Variants in SLC25A20 observed in about 807,000 individuals in gnomAD.
SLC25A20 encodes the protein mitochondrial carnitine/acylcarnitine carrier protein.
Under a neutral mutation model 39.7 loss-of-function variants are expected in SLC25A20, and 29 were observed. The observed-to-expected ratio is 0.73, with a 90% CI of 0.54 to 1.00. SLC25A20 has a LOEUF of 1.00. SLC25A20 is among the 50% of genes least tolerant of loss of function. The pLI is 0.00. For synonymous variants in SLC25A20, 103 were observed against 142.2 expected, an observed-to-expected ratio of 0.72 and a Z score of 1.96; for missense variants, 333 against 379.9, an observed-to-expected ratio of 0.88 and a Z score of 1.03.
chr3:48,884,004 C>T lies in SLC25A20; in HGVS notation c.319G>A (p.Val107Met). The T allele has an allele frequency of 6.2e-7, 1 of 1,613,610 alleles. No homozygotes were observed. Among genetic ancestry groups the T allele is most frequent in the Non-Finnish European group, 8.5e-7 (1 of 1,179,668 alleles). The change falls in exon 3 of 9, where the codon GTG becomes ATG. Residue 107 changes from valine (V) to methionine (M), a missense_variant. Val to Met is a conservative substitution (Grantham distance 21). Coordinates refer to ENST00000319017, the MANE Select transcript of SLC25A20 (RefSeq NM_000387.6). ...KKLQQKHPED[V>M]LSYPQLFAAG... is the part of the protein sequence containing the mutation. ...TGACCTGTAAGTACTCACCTGAGCA[C>T]ATCTTCTGGGTGTTTCTGTTGTAGT...
intron 1 of SLC25A20, 79 bp from the exon 2 acceptor site, chr3:48,892,151 A>T: frequency 9.5e-7 from 1 of 1,057,126 alleles, no homozygotes; most frequent in Admixed American, 1.7e-5. Context: ...CTGTCTGCCA[A>T]ACTGAACAGG....
chr3:48,892,987 CA>C (rs1271366211), intron 1 of SLC25A20, among the ~76,000 whole-genome samples: 1 of 151,944 alleles, frequency 6.6e-6, no homozygotes, highest in Non-Finnish European at 1.5e-5. Flanking sequence ...AGGAGGGTCC[CA>C]ATTTCTCCAT....
At position 48,879,523 on chromosome 3, in the gene SLC25A20, G is replaced by C. The variant is rs141458101; in HGVS notation, c.327-75C>G. The C allele has an allele frequency of 5.8e-3, 5,617 of 966,342 alleles. 25 individuals carry two copies. The highest frequency in any genetic ancestry group is 7.1e-3 in the Non-Finnish European group (4,174 of 589,766). 59.9% of individuals were successfully genotyped at this position (966,342 alleles called of 1,614,324 possible). ...GGACAGAGGCCAATCCCAGCAAAGA[G>C]GACAGTTTTGTAAGAAAAAAAATAA... On this transcript the variant is annotated intron_variant, in intron 3 of 8. Coordinates refer to ENST00000319017, the MANE Select transcript of SLC25A20 (RefSeq NM_000387.6).
intron 4 of SLC25A20, among the ~76,000 whole-genome samples, chr3:48,872,066 C>T (rs1392048157): frequency 7.1e-6 from 1 of 140,862 alleles, no homozygotes; most frequent in African/African-American, 2.6e-5. Context: ...TGGGCTCAAG[C>T]AATCCACCAC....
At chr3:48,859,480 T>C in intron 6 of SLC25A20, 75 bp downstream of exon 6, 1 of 1,243,362 alleles carries the variant, frequency 8.0e-7, no homozygotes, top group South Asian at 1.2e-5. Flanking sequence ...CTACTTCTGC[T>C]TTCAGATTCA....
chr3:48,861,228 G>A (rs1051579994), intron 5 of SLC25A20, among the ~76,000 whole-genome samples: 11 of 152,070 alleles, frequency 7.2e-5, no homozygotes, highest in African/African-American at 2.7e-4. Context: ...AAAGTGCTGA[G>A]ATTACAAGTG....
intron 1 of SLC25A20, among the ~76,000 whole-genome samples, chr3:48,893,085 G>A (rs897841516): frequency 5.3e-5 from 8 of 151,260 alleles, no homozygotes; most frequent in Non-Finnish European, 5.9e-5. Context: ...GGAGTGCGGC[G>A]GTGTGGTCAA....
At chr3:48,895,824 T>TAG in intron 1 of SLC25A20, 4 of 456,144 alleles carry the variant, frequency 8.8e-6, no homozygotes, top group South Asian at 6.2e-5. Context: ...CCCTAGTTAG[T>TAG]AGAGAGAGAG....
chr3:48,864,558 G>C (rs535333553), intron 4 of SLC25A20, among the ~76,000 whole-genome samples: 1 of 150,692 alleles, frequency 6.6e-6, no homozygotes, highest in Non-Finnish European at 1.5e-5. Flanking sequence ...GAGTATCAAT[G>C]GTTTTTTTTT....
In SLC25A20 at chr3:48,896,401, T is replaced by C. The variant is rs535310479; in HGVS notation, c.105+2289A>G. ...CCAAGGCTGCCTTTTTGTGATTTTA[T>C]ATACACTTCATACCTCATACCTGTC... On this transcript the variant is annotated intron_variant, in intron 1 of 8. Coordinates refer to ENST00000319017, the MANE Select transcript of SLC25A20 (RefSeq NM_000387.6). 3.3e-5 allele frequency among the ~76,000 whole-genome samples: 5 copies of C among 152,196 alleles called. No homozygotes were observed. The South Asian group carries it at 6.2e-4, about 19-fold the overall frequency.
At chr3:48,887,991 C>T (rs1175243924) in intron 2 of SLC25A20, among the ~76,000 whole-genome samples, 1 of 149,096 alleles carries the variant, frequency 6.7e-6, no homozygotes, top group Non-Finnish European at 1.5e-5. Context: ...GGCAGATCAC[C>T]TGAGCTCAGG....
chr3:48,868,436 G>A (rs947232402), intron 4 of SLC25A20, among the ~76,000 whole-genome samples: 4 of 152,098 alleles, frequency 2.6e-5, no homozygotes, highest in African/African-American at 9.7e-5. Context: ...TGGAGTAGAT[G>A]TACTTTTCCC....
intron 1 of SLC25A20, among the ~76,000 whole-genome samples, chr3:48,894,158 CAAA>C (rs1264070423): frequency 1.5e-5 from 1 of 65,154 alleles, no homozygotes; most frequent in Non-Finnish European, 2.9e-5. Context: ...GACTCCTTCT[CAAA>C]AAAAAAAAAA....
At chr3:48,885,281 AAAAG>A (rs1460163040) in intron 2 of SLC25A20, among the ~76,000 whole-genome samples, 2 of 152,082 alleles carry the variant, frequency 1.3e-5, no homozygotes, top group African/African-American at 4.8e-5. Flanking sequence ...TAGAAAAAAA[AAAAG>A]AAAGTGAATT....
At chr3:48,889,818 T>A (rs1248644164) in intron 2 of SLC25A20, among the ~76,000 whole-genome samples, 2 of 152,236 alleles carry the variant, frequency 1.3e-5, no homozygotes, top group Non-Finnish European at 2.9e-5. Context: ...AATCATTAGC[T>A]TTTAATATTA....
At chr3:48,867,996 G>A (rs1299646237) in intron 4 of SLC25A20, among the ~76,000 whole-genome samples, 1 of 151,860 alleles carries the variant, frequency 6.6e-6, no homozygotes, top group Non-Finnish European at 1.5e-5. Flanking sequence ...GGGAGGCGGA[G>A]GTTGCGGTGA....
intron 3 of SLC25A20, 149 bp downstream of exon 3, chr3:48,883,847 CT>C: frequency 1.1e-6 from 1 of 878,336 alleles, no homozygotes; most frequent in Non-Finnish European, 1.8e-6. Flanking sequence ...TGGACTCGAC[CT>C]CCTGACCTCA....
intron 4 of SLC25A20, among the ~76,000 whole-genome samples, chr3:48,876,960 G>A (rs973543032): frequency 1.4e-4 from 21 of 151,938 alleles, no homozygotes; most frequent in African/African-American, 5.1e-4. Context: ...GCCAGGCGTG[G>A]TGGTGGGCGC....
At position 48,870,888 on chromosome 3, in the gene SLC25A20, G is replaced by A. The variant is rs1199683213; in HGVS notation, c.418-8229C>T. On this transcript the variant is annotated intron_variant, in intron 4 of 8. Coordinates refer to ENST00000319017, the MANE Select transcript of SLC25A20 (RefSeq NM_000387.6). ...GGCCGGAGTGCAGTAGTGCAGTGGC[G>A]TGATCTCAGCTCACTGCAACCTCCA... Among the ~76,000 whole-genome samples the A allele has an allele frequency of 2.0e-5, 3 of 148,206 alleles. No homozygotes were observed. In the East Asian group the frequency reaches 5.9e-4, roughly 29 times the overall value.
Sources: gnomAD v4.1 joint callset for allele counts (sites outside exome capture counted in the v4.1 genomes callset) on GRCh38, gnomAD v4.1.1 for gene constraint, MANE v1.5 for transcripts, NCBI Gene and HGNC (gene_info 2026-07-23, HGNC 2026-07-21) for gene names.